FCER1G: variants seen among roughly 807,000 people sequenced by gnomAD.
FCER1G encodes high affinity immunoglobulin epsilon receptor subunit gamma.
A neutral mutation model predicts 17.3 loss-of-function variants in FCER1G; 7 were observed. The observed-to-expected ratio is 0.40, with a 90% CI of 0.23 to 0.76. The LOEUF is 0.76. Among genes scored for constraint, FCER1G ranks in the 30% least tolerant of loss-of-function variants. The pLI is 0.35. For missense variants in FCER1G, 87 were observed against 97.7 expected, an observed-to-expected ratio of 0.89 and a Z score of 0.46; for synonymous variants, 35 against 38.7, an observed-to-expected ratio of 0.90 and a Z score of 0.35.
At chr1:161,215,513 C>T in intron 1 of FCER1G, 143 bp downstream of exon 1, 1 of 747,576 alleles carries the variant, frequency 1.3e-6, no homozygotes, top group Non-Finnish European at 2.4e-6. Context: ...CTAGTCCTCT[C>T]CAGCCCCGAC....
At chr1:161,216,622 C>T (rs1432341877) in intron 1 of FCER1G, among the ~76,000 whole-genome samples, 2 of 152,046 alleles carry the variant, frequency 1.3e-5, no homozygotes, top group East Asian at 1.9e-4. Flanking sequence ...GAGACCTGAG[C>T]GTCAGCTGAG....
chr1:161,217,535 A>G (rs886955848), intron 1 of FCER1G, among the ~76,000 whole-genome samples: 5 of 152,052 alleles, frequency 3.3e-5, no homozygotes, highest in African/African-American at 1.2e-4. Context: ...CCTCAGCCAC[A>G]GGTCACAGGA....
chr1:161,218,326 C>A lies in FCER1G; in HGVS notation c.177+50C>A, dbSNP rs370280719. 152 of 1,502,928 alleles carry A rather than the reference C, an allele frequency of 1.0e-4. No homozygotes were observed. The Middle Eastern group carries it at 1.2e-3, about 12-fold the overall frequency. 93.1% of individuals were successfully genotyped at this position (1,502,928 alleles called of 1,614,324 possible). A position where few individuals can be genotyped will look rare whatever the true frequency, so the allele number is the denominator to read the frequency against. On this transcript the variant is annotated intron_variant, in intron 3 of 4. Coordinates refer to ENST00000289902, the MANE Select transcript of FCER1G (RefSeq NM_004106.2). ...TGGACAACTTTTCAGACCCTCAGCC[C>A]TCCTGGGGCTCTAGCCTGGGTTTCC...
chr1:161,217,563 T>C (rs1666075832), intron 1 of FCER1G, among the ~76,000 whole-genome samples: 1 of 152,098 alleles, frequency 6.6e-6, no homozygotes, highest in African/African-American at 2.4e-5. Context: ...GAGACACTTC[T>C]GTGGTTTCTT....
chr1:161,215,406 TC>T, intron 1 of FCER1G, 36 bp downstream of exon 1: 1 of 1,598,870 alleles, frequency 6.3e-7, no homozygotes, highest in Non-Finnish European at 8.6e-7. Context: ...GTGAGCTGGC[TC>T]CAGGGTGGAA....
chr1:161,217,473 A>G (rs1366492627), intron 1 of FCER1G, among the ~76,000 whole-genome samples: 1 of 149,304 alleles, frequency 6.7e-6, no homozygotes, highest in Non-Finnish European at 1.5e-5. Flanking sequence ...ATGACCAATG[A>G]TAGAGTAATT....
At position 161,216,411 on chromosome 1, in the gene FCER1G, C is replaced by CACATAT. The variant is rs1491150470; in HGVS notation, c.49+1042_49+1043insCATATA. On this transcript the variant is annotated intron_variant, in intron 1 of 4. Transcript: ENST00000289902. Reference sequence around the variant, plus strand: ...ACACACACACACACACACACACACACATATATATATATATATAGAGAGAGA... The same window carrying CACATAT: ...ACACACACACACACACACACACACACACATATATATATATATATATATAGAGAGAGA... 3.9e-3 allele frequency among the ~76,000 whole-genome samples: 500 copies of CACATAT among 129,692 alleles called. 2 individuals are homozygous for CACATAT. The highest frequency in any genetic ancestry group is 8.3e-3 in the Middle Eastern group (2 of 240). 85.1% of individuals were successfully genotyped at this position (129,692 alleles called of 152,430 possible).
rs758031936 is a variant in FCER1G at position 161,218,704 on chromosome 1, A to G, written c.179A>G (p.Lys60Arg). ...VRKAAITSYE[K>R]SDGVYTGLST... ...GTTTTGCTTCTTTTGTCTCTGCAGA[A>G]ATCAGATGGTGTTTACACGGTAAGT... The change falls in exon 4 of 5, where the codon AAA (lysine) becomes AGA (arginine). Residue 60 changes from lysine (K) to arginine (R), a missense_variant and splice_region_variant. Transcript: ENST00000289902. The G allele has an allele frequency of 6.2e-7, 1 of 1,614,056 alleles. No individual in the cohort carries two copies. The highest frequency in any genetic ancestry group is 2.2e-5 in the East Asian group (1 of 44,890).
rs1382612274 is a variant in FCER1G, at chr1:161,218,263, T to C, written c.164T>C (p.Ile55Thr). ...RLKIQVRKAA[I>T]TSYEKSDGVY... is the part of the protein sequence containing the mutation. ...CAGATCCAAGTGCGAAAGGCAGCTA[T>C]AACCAGCTATGAGGTATGGACCCTC... Residue 55 changes from isoleucine (I) to threonine (T), a missense_variant, in exon 3 of 5, where the codon ATA (isoleucine) becomes ACA (threonine). Physicochemically the swap from Ile to Thr is moderately conservative, Grantham distance 89. Coordinates refer to ENST00000289902, the MANE Select transcript of FCER1G (RefSeq NM_004106.2). 1 of 1,613,892 alleles carries C rather than the reference T, an allele frequency of 6.2e-7. No homozygotes were observed. The highest frequency in any genetic ancestry group is 1.3e-5 in the African/African-American group (1 of 75,006).
intron 1 of FCER1G, among the ~76,000 whole-genome samples, chr1:161,216,485 C>T (rs1553250815): frequency 1.4e-5 from 2 of 147,970 alleles, no homozygotes; most frequent in Non-Finnish European, 1.5e-5. Flanking sequence ...TGTTCTTGTG[C>T]TTGGGAGTAA....
Position 161,218,253 on chromosome 1 carries a change from A to G in FCER1G, c.154A>G (p.Lys52Glu), listed in dbSNP as rs1666088879. The stretch of plus-strand genomic sequence containing the variant: ...TCCCCCATTCCAGATCCAAGTGCGA[A>G]AGGCAGCTATAACCAGCTATGAGGT... ...LYCRLKIQVRKAAITSYEKSD... is the reference protein window; with the variant it reads ...LYCRLKIQVREAAITSYEKSD... Residue 52 changes from lysine (K) to glutamate (E), a missense_variant, in exon 3 of 5, where the codon AAG (lysine) becomes GAG (glutamate). By Grantham distance (56) the Lys-to-Glu change is moderately conservative. Transcript: ENST00000289902. The G allele has an allele frequency of 6.2e-7, 1 of 1,613,956 alleles. No homozygotes were observed. Among genetic ancestry groups the G allele is most frequent in the Non-Finnish European group, 8.5e-7 (1 of 1,179,854 alleles).
In FCER1G at chr1:161,216,108, A is replaced by G. The variant is rs1312911554; in HGVS notation, c.49+738A>G. 2.0e-5 allele frequency among the ~76,000 whole-genome samples: 3 copies of G among 152,018 alleles called. No homozygotes were observed. The South Asian group carries it at 6.2e-4, about 32-fold the overall frequency. On this transcript the variant is annotated intron_variant, in intron 1 of 4. Transcript: ENST00000289902. ...AAAAGCCTCATTTCTCATGATGAGC[A>G]TTTCCCATGGGGTGCCTTTGGTCTT...
Position 161,219,111 on chromosome 1 carries a change from T to C in FCER1G, c.*168T>C. 3.2e-6 allele frequency: 2 copies of C among 617,532 alleles called. No homozygotes were observed. Among genetic ancestry groups the C allele is most frequent in the Non-Finnish European group, 5.9e-6 (2 of 341,030 alleles). The allele number at this position is 617,532 out of a possible 1,614,324, so 38.3% of individuals were successfully genotyped here. On this transcript the variant is annotated 3_prime_UTR_variant, in exon 5 of 5. Transcript: ENST00000289902. ...GTGGTTCCTCCTCCCTGTTAAAGAC[T>C]AATGCTCAGATGCTGTTTACGGATA...
rs532181835 is a variant in FCER1G at position 161,218,783 on chromosome 1, A to G, written c.198+60A>G. On this transcript the variant is annotated intron_variant, in intron 4 of 4. Coordinates refer to ENST00000289902, the MANE Select transcript of FCER1G (RefSeq NM_004106.2). ...GCAGAAGAGGGTGGGATTTTGAGCG[A>G]TCTTTGGAAGGCCGGTGGGGGGAGG... 1.6e-5 allele frequency: 26 copies of G among 1,602,310 alleles called. No homozygotes were observed. The African/African-American group carries it at 2.9e-4, about 18-fold the overall frequency.
At position 161,218,284 on chromosome 1, in the gene FCER1G, C is replaced by A. The variant is rs191740339; in HGVS notation, c.177+8C>A. On this transcript the variant is annotated splice_region_variant and intron_variant, in intron 3 of 4. Transcript: ENST00000289902. ...GCTATAACCAGCTATGAGGTATGGA[C>A]CCTCCTACACCTGGTGTGGACAACT... 7.6e-5 allele frequency: 122 copies of A among 1,611,200 alleles called. No homozygotes were observed. In the African/African-American group the frequency reaches 1.4e-3, roughly 18 times the overall value.
At chr1:161,216,563 C>T (rs1205277639) in intron 1 of FCER1G, among the ~76,000 whole-genome samples, 1 of 152,076 alleles carries the variant, frequency 6.6e-6, no homozygotes, top group Non-Finnish European at 1.5e-5. Flanking sequence ...ATGCTCCATT[C>T]TGTCAGCAGT....
chr1:161,215,435 G>A, intron 1 of FCER1G, 65 bp downstream of exon 1: 2 of 1,427,422 alleles, frequency 1.4e-6, no homozygotes, highest in South Asian at 2.3e-5. Flanking sequence ...GCTTGGGTCT[G>A]AGGGCCAAGT....
chr1:161,215,984 C>A (rs1322430688), intron 1 of FCER1G, among the ~76,000 whole-genome samples: 2 of 152,090 alleles, frequency 1.3e-5, no homozygotes, highest in Non-Finnish European at 2.9e-5. Context: ...CTCGGCCTCC[C>A]AAAGTGCTAC....
rs772373729 is a variant in FCER1G, at chr1:161,217,994, G to T, written c.58G>T (p.Gly20Ter). 6.2e-7 allele frequency: 1 copy of T among 1,612,920 alleles called. No individual in the cohort carries two copies. Among genetic ancestry groups the T allele is most frequent in the African/African-American group, 1.3e-5 (1 of 74,848 alleles). ...ATCCTCTATCCCCTCAGCGGCCCTG[G>T]GAGAGCCTCAGCTCTGCTATATCCT... ...LLLVEQAAAL[G>*]EPQLCYILDA... Residue 20 changes from glycine (G) to a stop codon, truncating the protein, a stop_gained, in exon 2 of 5, where the codon GGA becomes TGA. Transcript: ENST00000289902. LOFTEE classifies it high-confidence loss of function.
Sources: allele counts gnomAD v4.1 joint callset (sites outside exome capture counted in the v4.1 genomes callset), GRCh38; gene constraint gnomAD v4.1.1; transcripts MANE v1.5; gene names NCBI Gene and HGNC (gene_info 2026-07-23, HGNC 2026-07-21).